The following KDM4B variants were observed in gnomAD, a reference collection of about 807,000 sequenced individuals.
KDM4B encodes the protein lysine-specific demethylase 4B.
In KDM4B, 32 loss-of-function variants were observed where a neutral mutation model predicts 125.2. That is an observed-to-expected ratio of 0.26 (90% CI 0.19 to 0.34). The LOEUF (loss-of-function observed/expected upper bound fraction) is 0.34, where lower values mean the gene tolerates loss of function less well. Ranked by LOEUF, KDM4B falls within the 10% of genes least tolerant of loss-of-function variation. The pLI, the probability that KDM4B is intolerant of heterozygous loss-of-function variation, is 1.00. For missense variants in KDM4B, 1,190 were observed against 1,577.7 expected (o/e 0.75, Z 4.16); for synonymous variants, 721 against 677.9 (o/e 1.06, Z -0.99).
intron 4 of KDM4B, among the ~76,000 whole-genome samples, chr19:5,040,462 A>G (rs2036773830): frequency 6.6e-6 from 1 of 152,020 alleles, no homozygotes; most frequent in East Asian, 1.9e-4. Context: ...ACACACGGGT[A>G]CACATGGCAC....
intron 11 of KDM4B, among the ~76,000 whole-genome samples, chr19:5,123,192 G>A (rs2613800): frequency 0.26 from 39,167 of 152,202 alleles, 5,415 homozygotes; most frequent in East Asian, 0.64. Flanking sequence ...ACACGACCTC[G>A]CGTGGCACGG....
chr19:5,008,443 G>GATGT (rs2035626851), intron 1 of KDM4B, among the ~76,000 whole-genome samples: 2 of 152,050 alleles, frequency 1.3e-5, no homozygotes, highest in African/African-American at 2.4e-5. Context: ...TTTTTGTCTA[G>GATGT]TCTTGAGTGT....
intron 6 of KDM4B, among the ~76,000 whole-genome samples, chr19:5,069,026 C>T (rs751799541): frequency 7.9e-5 from 12 of 152,110 alleles, no homozygotes; most frequent in Non-Finnish European, 1.6e-4. Flanking sequence ...ATTCCCTGTG[C>T]GGAGGGGTCT....
At chr19:4,982,605 C>CTG (rs1402693048) in intron 1 of KDM4B, among the ~76,000 whole-genome samples, 1 of 151,626 alleles carries the variant, frequency 6.6e-6, no homozygotes, top group African/African-American at 2.4e-5. Context: ...CTCTCTCTCT[C>CTG]TCTCTCTTTC....
intron 1 of KDM4B, among the ~76,000 whole-genome samples, chr19:5,002,142 C>T (rs551993443): frequency 1.5e-4 from 23 of 152,068 alleles, no homozygotes; most frequent in Non-Finnish European, 2.4e-4. Flanking sequence ...GGATTACAGG[C>T]GTGTGCCACC....
chr19:4,977,026 CTTTT>C (rs2034469994), intron 1 of KDM4B, among the ~76,000 whole-genome samples: 1 of 151,774 alleles, frequency 6.6e-6, no homozygotes, highest in African/African-American at 2.4e-5. Context: ...TTTTCTTTTT[CTTTT>C]TCTTTTCTGT....
chr19:5,133,843 G>A, intron 13 of KDM4B, 40 bp from the exon 14 acceptor site: 1 of 1,601,346 alleles, frequency 6.2e-7, no homozygotes. Context: ...GTTTTTAGGG[G>A]GCTCAAGTGT....
In KDM4B at chr19:5,035,723, C is replaced by T. The variant is rs2036596245; in HGVS notation, c.141+2692C>T. Among the ~76,000 whole-genome samples, 2 of 152,146 alleles carry T rather than the reference C, an allele frequency of 1.3e-5. No individual in the cohort carries two copies. Among genetic ancestry groups the T allele is most frequent in the Admixed American group, 6.5e-5 (1 of 15,272 alleles). On this transcript the variant is annotated intron_variant, in intron 3 of 22. Coordinates refer to ENST00000159111, the MANE Select transcript of KDM4B (RefSeq NM_015015.3). The surrounding 1 kb of genome is among the most constrained non-coding windows in gnomAD (Gnocchi z 5.3). ...GCCTTGCGTTCTGCGTGTTCCTTCC[C>T]ATGCCTCTGCAGCGGCAGCTCCCAT... is the stretch of plus-strand genomic sequence containing the variant.
At chr19:5,001,791 A>G (rs1443006921) in intron 1 of KDM4B, among the ~76,000 whole-genome samples, 6 of 152,114 alleles carry the variant, frequency 3.9e-5, no homozygotes, top group African/African-American at 1.4e-4. Context: ...GGCTCAGTGG[A>G]GTTCTAATGA....
intron 9 of KDM4B, among the ~76,000 whole-genome samples, chr19:5,101,350 G>A (rs193087935): frequency 1.8e-3 from 266 of 150,506 alleles, no homozygotes; most frequent in Non-Finnish European, 3.2e-3. Flanking sequence ...TGGGGGTAAC[G>A]ATCTAGTGTA....
intron 8 of KDM4B, among the ~76,000 whole-genome samples, chr19:5,080,403 G>A (rs912952383): frequency 2.0e-5 from 3 of 152,242 alleles, no homozygotes; most frequent in African/African-American, 7.2e-5. Flanking sequence ...ATGGCCCGAT[G>A]AATTCGGCGT....
At position 5,151,415 on chromosome 19, in the gene KDM4B, C is replaced by A. The variant is rs1431023083; in HGVS notation, c.3195C>A (p.Thr1065=). ...AKAAKRPRVG[T]PLATEDSGRS... ...CCGCCAAGCGCCCGCGTGTGGGCAC[C>A]CCGCTTGCCACGGAGGACTCCGGGC... Residue 1065 remains threonine, a synonymous_variant, in exon 23 of 23, where the codon ACC becomes ACA. Coordinates refer to ENST00000159111, the MANE Select transcript of KDM4B (RefSeq NM_015015.3). 8 of 1,577,280 alleles carry A rather than the reference C, an allele frequency of 5.1e-6. No homozygotes were observed. The highest frequency in any genetic ancestry group is 6.0e-6 in the Non-Finnish European group (7 of 1,164,486).
intron 6 of KDM4B, among the ~76,000 whole-genome samples, chr19:5,062,782 T>TTC (rs1338251007): frequency 6.8e-6 from 1 of 146,930 alleles, no homozygotes; most frequent in Non-Finnish European, 1.5e-5. Flanking sequence ...ACTGTTTTTT[T>TTC]TTTTTTTTTT....
At chr19:4,974,121 G>A (rs972500659) in intron 1 of KDM4B, among the ~76,000 whole-genome samples, 14 of 151,582 alleles carry the variant, frequency 9.2e-5, no homozygotes, top group Non-Finnish European at 1.9e-4. Flanking sequence ...ATAAGTGGCC[G>A]GGCGCAGTGG....
intron 11 of KDM4B, among the ~76,000 whole-genome samples, 194 bp from the exon 12 acceptor site, chr19:5,130,882 G>A (rs1254608879): frequency 6.6e-6 from 1 of 152,256 alleles, no homozygotes; most frequent in Non-Finnish European, 1.5e-5. Context: ...GCCTGGGGGT[G>A]CCTGGCCAGG....
intron 6 of KDM4B, among the ~76,000 whole-genome samples, chr19:5,057,803 C>T (rs530913327): frequency 1.3e-5 from 2 of 152,308 alleles, no homozygotes; most frequent in South Asian, 2.1e-4. Flanking sequence ...GGCCTGAACC[C>T]GAAGGTGTGG....
At chr19:5,022,858 C>T (rs1230318366) in intron 2 of KDM4B, among the ~76,000 whole-genome samples, 2 of 146,456 alleles carry the variant, frequency 1.4e-5, no homozygotes, top group African/African-American at 5.0e-5. Context: ...GGGGTTGGTA[C>T]TTTTTTTTTT....
At chr19:5,149,216 C>CGTG (rs1426085135) in intron 21 of KDM4B, among the ~76,000 whole-genome samples, 1 of 152,248 alleles carries the variant, frequency 6.6e-6, no homozygotes, top group Non-Finnish European at 1.5e-5. Context: ...CTGCACACTA[C>CGTG]GTGGGGCGTC....
At chr19:5,093,145 C>A (rs1485094950) in intron 9 of KDM4B, among the ~76,000 whole-genome samples, 5 of 152,198 alleles carry the variant, frequency 3.3e-5, no homozygotes, top group African/African-American at 1.2e-4. Context: ...TGTTGAGGCC[C>A]CTTCAGGGCA....
Sources: allele counts gnomAD v4.1 joint callset (sites outside exome capture counted in the v4.1 genomes callset), GRCh38; gene constraint gnomAD v4.1.1; non-coding constraint Gnocchi (gnomAD v3.1); transcripts MANE v1.5; gene names NCBI Gene and HGNC (gene_info 2026-07-23, HGNC 2026-07-21).